LDLRAD3: variants seen among roughly 807,000 people sequenced by gnomAD.
LDLRAD3 encodes the protein low-density lipoprotein receptor class A domain-containing protein 3.
In LDLRAD3, 20 loss-of-function variants were observed where a neutral mutation model predicts 29.4. That is an observed-to-expected ratio of 0.68 (90% CI 0.48 to 0.99). LDLRAD3 has a LOEUF of 0.99. Ranked by LOEUF, LDLRAD3 falls within the 50% of genes least tolerant of loss-of-function variation. The pLI is 0.00. For synonymous variants in LDLRAD3, 157 were observed against 192.7 expected (o/e 0.81, Z 1.53); for missense variants, 420 against 454.3 (o/e 0.92, Z 0.69).
intron 4 of LDLRAD3, among the ~76,000 whole-genome samples, chr11:36,166,123 G>A (rs1015882092): frequency 7.9e-5 from 12 of 151,982 alleles, no homozygotes; most frequent in African/African-American, 2.7e-4. Flanking sequence ...TGCTCTTTCC[G>A]CTGAACATGA....
At chr11:36,078,799 G>A (rs918428559) in intron 2 of LDLRAD3, among the ~76,000 whole-genome samples, 4 of 152,110 alleles carry the variant, frequency 2.6e-5, no homozygotes, top group East Asian at 1.9e-4. Flanking sequence ...CCCTACCAGC[G>A]GACGATTCAG....
intron 1 of LDLRAD3, among the ~76,000 whole-genome samples, chr11:35,957,070 G>A (rs945570579): frequency 1.1e-4 from 17 of 152,186 alleles, no homozygotes; most frequent in African/African-American, 2.9e-4. Flanking sequence ...ATTTATAATT[G>A]CTCACTAAAT....
At chr11:36,049,390 A>G (rs572251321) in intron 2 of LDLRAD3, among the ~76,000 whole-genome samples, 5 of 152,340 alleles carry the variant, frequency 3.3e-5, no homozygotes, top group African/African-American at 1.2e-4. Context: ...AATAATTAGA[A>G]AAAGAGAATG....
At chr11:36,109,579 A>T (rs1167833608) in intron 4 of LDLRAD3, among the ~76,000 whole-genome samples, 1 of 152,166 alleles carries the variant, frequency 6.6e-6, no homozygotes, top group East Asian at 1.9e-4. Context: ...GGTAATTGAG[A>T]GTAAAAGAGC....
chr11:36,034,079 G>A (rs1169117302), intron 1 of LDLRAD3, among the ~76,000 whole-genome samples: 1 of 152,148 alleles, frequency 6.6e-6, no homozygotes, highest in Non-Finnish European at 1.5e-5. Flanking sequence ...CCTGAAGGGT[G>A]CTTACTTTTT....
chr11:36,058,076 A>G (rs1852647177), intron 2 of LDLRAD3, among the ~76,000 whole-genome samples: 1 of 152,218 alleles, frequency 6.6e-6, no homozygotes, highest in Admixed American at 6.5e-5. Context: ...AAGTAGTAGG[A>G]ATAATAACAA....
At chr11:36,187,844 A>C (rs2133362823) in intron 4 of LDLRAD3, among the ~76,000 whole-genome samples, 1 of 152,330 alleles carries the variant, frequency 6.6e-6, no homozygotes, top group South Asian at 2.1e-4. Context: ...CTGTCTCCTG[A>C]AGACAGGCCA....
chr11:36,199,995 C>T (rs1333999495), intron 4 of LDLRAD3, among the ~76,000 whole-genome samples: 1 of 151,960 alleles, frequency 6.6e-6, no homozygotes, highest in African/African-American at 2.4e-5. Flanking sequence ...GGTGAAACCC[C>T]ATCTCTACTA....
At chr11:35,964,290 G>T (rs1851312419) in intron 1 of LDLRAD3, among the ~76,000 whole-genome samples, 1 of 152,136 alleles carries the variant, frequency 6.6e-6, no homozygotes, top group African/African-American at 2.4e-5. Context: ...ATCCCTATGA[G>T]GTCAAGACTG....
rs536738831 is a variant in LDLRAD3 at position 36,229,730 on chromosome 11, T to C, written c.*333T>C. The C allele has an allele frequency of 3.8e-6, 1 of 261,362 alleles. No homozygotes were observed. Among genetic ancestry groups the C allele is most frequent in the Admixed American group, 4.9e-5 (1 of 20,474 alleles). 16.2% of individuals were successfully genotyped at this position (261,362 alleles called of 1,614,324 possible). A position where few individuals can be genotyped will look rare whatever the true frequency, so the allele number is the denominator to read the frequency against. Reference sequence around the variant, plus strand: ...ATAGGCTGGGAGAGAGCAATGTTTCTGTGCTATATTGGATGCTCAGAAGTG... The same window carrying C: ...ATAGGCTGGGAGAGAGCAATGTTTCCGTGCTATATTGGATGCTCAGAAGTG... On this transcript the variant is annotated 3_prime_UTR_variant, in exon 6 of 6. Transcript: ENST00000315571.
chr11:36,089,018 T>TTA (rs1288846790), intron 3 of LDLRAD3, among the ~76,000 whole-genome samples: 1 of 152,218 alleles, frequency 6.6e-6, no homozygotes, highest in Admixed American at 6.5e-5. Context: ...TGAGGTGGTA[T>TTA]TATAGTGTGG....
chr11:36,082,949 C>G lies in LDLRAD3; in HGVS notation c.319+1171C>G, dbSNP rs577669159. 5.3e-3 allele frequency among the ~76,000 whole-genome samples: 814 copies of G among 152,300 alleles called. 3 individuals are homozygous for G. Among genetic ancestry groups the G allele is most frequent in the Non-Finnish European group, 9.0e-3 (612 of 68,028 alleles). ...CCTCAAAATGTTTAGACTACTTGAG[C>G]ATTCATAATTATCATTGGCTCTGAA... On this transcript the variant is annotated intron_variant, in intron 3 of 5. Coordinates refer to ENST00000315571, the MANE Select transcript of LDLRAD3 (RefSeq NM_174902.4).
chr11:36,217,064 G>T lies in LDLRAD3; in HGVS notation c.455-10021G>T, dbSNP rs114357296. Among the ~76,000 whole-genome samples, 790 of 152,256 alleles carry T rather than the reference G, an allele frequency of 5.2e-3. 9 individuals carry two copies. Among genetic ancestry groups the T allele is most frequent in the African/African-American group, 0.017 (717 of 41,542 alleles). On this transcript the variant is annotated intron_variant, in intron 4 of 5. Coordinates refer to ENST00000315571, the MANE Select transcript of LDLRAD3 (RefSeq NM_174902.4). ...TGTTAATAAAATGGCACACTTCACA[G>T]GATTGTTGTAAAGAAGAAGGGAAAT...
intron 4 of LDLRAD3, among the ~76,000 whole-genome samples, chr11:36,131,222 C>T (rs994319203): frequency 6.6e-6 from 1 of 152,240 alleles, no homozygotes; most frequent in Non-Finnish European, 1.5e-5. Context: ...TGTGCTTAAA[C>T]GAGCTGTCTT....
At chr11:36,024,810 G>A (rs1477826791) in intron 1 of LDLRAD3, among the ~76,000 whole-genome samples, 1 of 152,262 alleles carries the variant, frequency 6.6e-6, no homozygotes, top group Non-Finnish European at 1.5e-5. Flanking sequence ...CCCATGTTGA[G>A]GGGCGAGGAG....
chr11:35,958,059 G>C, intron 1 of LDLRAD3, among the ~76,000 whole-genome samples: 1 of 152,188 alleles, frequency 6.6e-6, no homozygotes. Context: ...CTCACTAGTA[G>C]GGGAGAGTTA....
intron 1 of LDLRAD3, among the ~76,000 whole-genome samples, chr11:36,002,174 G>T (rs1279014037): frequency 6.6e-6 from 1 of 152,202 alleles, no homozygotes; most frequent in African/African-American, 2.4e-5. Context: ...TGGGCTTTGT[G>T]TTGTTTCCAG....
intron 3 of LDLRAD3, among the ~76,000 whole-genome samples, chr11:36,082,039 A>G (rs991226739): frequency 3.9e-5 from 6 of 152,240 alleles, no homozygotes; most frequent in Admixed American, 2.6e-4. Context: ...ATGCAGATGT[A>G]TTATCCTTAG....
intron 1 of LDLRAD3, among the ~76,000 whole-genome samples, chr11:35,973,827 A>G (rs1316894270): frequency 6.6e-6 from 1 of 152,082 alleles, no homozygotes; most frequent in Non-Finnish European, 1.5e-5. Context: ...CTGCACCAGT[A>G]TACTCCCCAC....
Sources: allele counts gnomAD v4.1 joint callset (sites outside exome capture counted in the v4.1 genomes callset), GRCh38; gene constraint gnomAD v4.1.1; transcripts MANE v1.5; gene names NCBI Gene and HGNC (gene_info 2026-07-23, HGNC 2026-07-21).